CLSTN2: variants seen among roughly 807,000 people sequenced by gnomAD.
CLSTN2 encodes calsyntenin-2.
Under a neutral mutation model 101.2 loss-of-function variants are expected in CLSTN2, and 48 were observed. The observed-to-expected ratio is 0.47, with a 90% CI of 0.38 to 0.60. CLSTN2 has a LOEUF of 0.60. Among genes scored for constraint, CLSTN2 ranks in the 20% least tolerant of loss-of-function variants. The pLI is 0.00. For missense variants in CLSTN2, 1,160 were observed against 1,238.2 expected, an observed-to-expected ratio of 0.94 and a Z score of 0.95; for synonymous variants, 481 against 463.6, an observed-to-expected ratio of 1.04 and a Z score of -0.48.
chr3:140,022,805 G>A (rs971003514), intron 1 of CLSTN2, among the ~76,000 whole-genome samples: 1 of 152,162 alleles, frequency 6.6e-6, no homozygotes, highest in Non-Finnish European at 1.5e-5. Context: ...TTCCTGTTTG[G>A]TCCCATGGGA....
chr3:140,257,373 AG>A (rs1169830338), intron 2 of CLSTN2, among the ~76,000 whole-genome samples: 1 of 152,200 alleles, frequency 6.6e-6, no homozygotes, highest in Non-Finnish European at 1.5e-5. Context: ...TAATGAAAAA[AG>A]TCTTGTATTT....
intron 1 of CLSTN2, among the ~76,000 whole-genome samples, chr3:140,046,193 G>C (rs2007876807): frequency 6.6e-6 from 1 of 152,098 alleles, no homozygotes; most frequent in Admixed American, 6.6e-5. Context: ...GAATCTGGGT[G>C]CTCCTGTATT....
At chr3:140,206,997 T>C (rs1383496443) in intron 2 of CLSTN2, among the ~76,000 whole-genome samples, 1 of 152,102 alleles carries the variant, frequency 6.6e-6, no homozygotes, top group Non-Finnish European at 1.5e-5. Context: ...TGGTTCCCTC[T>C]TTTTCCTGTA....
chr3:140,056,267 A>G (rs1253554178), intron 1 of CLSTN2, among the ~76,000 whole-genome samples: 1 of 152,206 alleles, frequency 6.6e-6, no homozygotes, highest in Non-Finnish European at 1.5e-5. Context: ...TGCCTGGTAC[A>G]CAGTAGTTAC....
intron 1 of CLSTN2, among the ~76,000 whole-genome samples, chr3:139,987,464 TC>T (rs1936044689): frequency 1.3e-5 from 2 of 152,182 alleles, no homozygotes; most frequent in Admixed American, 1.3e-4. Flanking sequence ...AGCTAATCAG[TC>T]CTCCGTCTTT....
chr3:140,259,372 G>T (rs1246247160), intron 2 of CLSTN2, among the ~76,000 whole-genome samples: 1 of 152,054 alleles, frequency 6.6e-6, no homozygotes, highest in African/African-American at 2.4e-5. Flanking sequence ...TACTCAGGAG[G>T]CTAAGGCAGG....
intron 2 of CLSTN2, among the ~76,000 whole-genome samples, chr3:140,239,616 A>G (rs1435083345): frequency 1.3e-5 from 2 of 152,178 alleles, no homozygotes; most frequent in South Asian, 2.1e-4. Context: ...GTTTTTCCAC[A>G]CAATATCATC....
At chr3:140,161,985 C>A (rs1156920106) in intron 1 of CLSTN2, among the ~76,000 whole-genome samples, 1 of 152,078 alleles carries the variant, frequency 6.6e-6, no homozygotes, top group Non-Finnish European at 1.5e-5. Flanking sequence ...AAATAACAAA[C>A]TTTTTACTTA....
At chr3:140,543,038 T>C (rs1462846472) in intron 9 of CLSTN2, among the ~76,000 whole-genome samples, 2 of 152,318 alleles carry the variant, frequency 1.3e-5, no homozygotes, top group East Asian at 3.9e-4. Flanking sequence ...TCTATAACTA[T>C]AGAATGAGTA....
Position 140,421,116 on chromosome 3 carries a change from G to A in CLSTN2, c.638-9G>A. On this transcript the variant is annotated splice_polypyrimidine_tract_variant and intron_variant, in intron 4 of 16. Coordinates refer to ENST00000458420, the MANE Select transcript of CLSTN2 (RefSeq NM_022131.3). ...ACCTGAAATGCTTTTGAACATCTCT[G>A]TTCCTCAGGCAACATCAGGAACACT... is the stretch of plus-strand genomic sequence containing the variant. 3 of 1,613,056 alleles carry A rather than the reference G, an allele frequency of 1.9e-6. No individual in the cohort carries two copies. The highest frequency in any genetic ancestry group is 2.5e-6 in the Non-Finnish European group (3 of 1,179,694).
chr3:139,985,375 T>C (rs1284465667), intron 1 of CLSTN2, among the ~76,000 whole-genome samples: 1 of 152,058 alleles, frequency 6.6e-6, no homozygotes, highest in Non-Finnish European at 1.5e-5. Flanking sequence ...TGAAACAGAA[T>C]TTGGAGAGCT....
At chr3:139,999,424 C>G (rs2006771320) in intron 1 of CLSTN2, among the ~76,000 whole-genome samples, 1 of 152,052 alleles carries the variant, frequency 6.6e-6, no homozygotes, top group South Asian at 2.1e-4. Context: ...TCTGGGGAAC[C>G]TGGGAATGGG....
At chr3:140,530,773 T>C (rs999015816) in intron 8 of CLSTN2, among the ~76,000 whole-genome samples, 5 of 152,188 alleles carry the variant, frequency 3.3e-5, no homozygotes, top group South Asian at 2.1e-4. Context: ...GCACTCTACC[T>C]ACATTCCACA....
chr3:140,561,684 C>T (rs1361849938), intron 12 of CLSTN2, among the ~76,000 whole-genome samples: 4 of 152,054 alleles, frequency 2.6e-5, no homozygotes, highest in African/African-American at 9.7e-5. Context: ...AGGGAGACTA[C>T]GATCACATGG....
At chr3:140,150,677 G>A (rs548055208) in intron 1 of CLSTN2, among the ~76,000 whole-genome samples, 6 of 152,292 alleles carry the variant, frequency 3.9e-5, no homozygotes, top group South Asian at 2.1e-4. Context: ...AGAGCATCCA[G>A]AGGTGTGTTG....
At chr3:140,376,114 G>A (rs1239554735) in intron 2 of CLSTN2, among the ~76,000 whole-genome samples, 2 of 152,144 alleles carry the variant, frequency 1.3e-5, no homozygotes, top group African/African-American at 2.4e-5. Flanking sequence ...AACAATTGAG[G>A]TCTGCTTTTC....
chr3:140,336,553 T>C (rs1484612298), intron 2 of CLSTN2, among the ~76,000 whole-genome samples: 2 of 152,150 alleles, frequency 1.3e-5, no homozygotes, highest in African/African-American at 4.8e-5. Flanking sequence ...CTCTCACTGT[T>C]TAGCACCCAG....
At chr3:140,186,323 G>C (rs375437150) in intron 2 of CLSTN2, among the ~76,000 whole-genome samples, 4 of 152,180 alleles carry the variant, frequency 2.6e-5, no homozygotes, top group African/African-American at 7.2e-5. Context: ...ATATTGAATA[G>C]TCCTGGAATT....
chr3:139,981,286 T>G (rs1344570400), intron 1 of CLSTN2, among the ~76,000 whole-genome samples: 1 of 152,236 alleles, frequency 6.6e-6, no homozygotes, highest in Non-Finnish European at 1.5e-5. Context: ...CTTTTGAGCA[T>G]CTGCTGTATT....
Sources: gnomAD v4.1 joint callset for allele counts (sites outside exome capture counted in the v4.1 genomes callset) on GRCh38, gnomAD v4.1.1 for gene constraint, MANE v1.5 for transcripts, NCBI Gene and HGNC (gene_info 2026-07-23, HGNC 2026-07-21) for gene names.